Variants in HOXB3 observed in about 807,000 individuals in gnomAD.
HOXB3 encodes the protein homeobox protein Hox-B3.
HOXB3 carries 17 observed loss-of-function variants against 29.2 expected under a neutral mutation model. The observed-to-expected ratio is 0.58, with a 90% CI of 0.40 to 0.87. HOXB3 has a LOEUF of 0.87. Ranked by LOEUF, HOXB3 falls within the 40% of genes least tolerant of loss-of-function variation. HOXB3 has a pLI of 0.00. For synonymous variants in HOXB3, 317 were observed against 285.9 expected, an observed-to-expected ratio of 1.11 and a Z score of -1.10; for missense variants, 637 against 616.3, an observed-to-expected ratio of 1.03 and a Z score of -0.35.
intron 2 of HOXB3, among the ~76,000 whole-genome samples, chr17:48,569,035 C>A (rs1333461892): frequency 6.7e-6 from 1 of 148,222 alleles, no homozygotes; most frequent in East Asian, 2.0e-4. Context: ...CCCTTTCTTT[C>A]TCTCTCTCTC....
At chr17:48,567,546 C>T (rs910073169) in intron 2 of HOXB3, among the ~76,000 whole-genome samples, 4 of 152,176 alleles carry the variant, frequency 2.6e-5, no homozygotes, top group African/African-American at 7.2e-5. Flanking sequence ...TCTTGACCAG[C>T]AGCCTCTCCC....
intron 2 of HOXB3, among the ~76,000 whole-genome samples, chr17:48,568,443 T>C (rs1377707946): frequency 6.6e-6 from 1 of 152,206 alleles, no homozygotes; most frequent in Non-Finnish European, 1.5e-5. Context: ...ACTGCTGATA[T>C]ATTACTGTAA....
rs199720030 is a variant in HOXB3 at position 48,550,862 on chromosome 17, C to T, written c.768G>A (p.Ser256=). The change falls in exon 5 of 5, where the codon TCG becomes TCA. Residue 256 remains serine, a synonymous_variant. Transcript: ENST00000498678. ...DQKAKGLASS[S]GGPSPAGSPP... Reference sequence around the variant, plus strand: ...GGCTGCCGGCTGGAGATGGGCCCCCCGACGACGAGGCCAATCCCTTGGCCT... The same window carrying T: ...GGCTGCCGGCTGGAGATGGGCCCCCTGACGACGAGGCCAATCCCTTGGCCT... 5 of 1,613,900 alleles carry T rather than the reference C, an allele frequency of 3.1e-6. No homozygotes were observed. The Admixed American group carries it at 6.7e-5, about 22-fold the overall frequency.
rs1214988620 is a variant in HOXB3 at position 48,554,929 on chromosome 17, A to C, written c.-159+602T>G. On this transcript the variant is annotated intron_variant, in intron 3 of 4. Transcript: ENST00000498678. The surrounding 1 kb of genome is among the most constrained non-coding windows in gnomAD (Gnocchi z 4.1). Reference sequence around the variant, plus strand: ...ACAAGAGGGGGTGGGGAACAACTCTACCAAGCCAAACAGATCTATTTCCCT... The same window carrying C: ...ACAAGAGGGGGTGGGGAACAACTCTCCCAAGCCAAACAGATCTATTTCCCT... The C allele has an allele frequency of 1.5e-6, 1 of 664,544 alleles. No homozygotes were observed. The highest frequency in any genetic ancestry group is 1.8e-5 in the African/African-American group (1 of 55,764). The allele number at this position is 664,544 out of a possible 1,614,324, so 41.2% of individuals were successfully genotyped here.
intron 2 of HOXB3, among the ~76,000 whole-genome samples, chr17:48,564,582 G>T (rs1267479343): frequency 1.3e-5 from 2 of 152,264 alleles, no homozygotes; most frequent in Non-Finnish European, 2.9e-5. Context: ...GTCTGGCACC[G>T]AGCTGAACTC....
At chr17:48,578,026 G>A in intron 1 of HOXB3, 1 of 1,253,800 alleles carries the variant, frequency 8.0e-7, no homozygotes, top group Non-Finnish European at 1.0e-6. Flanking sequence ...GGGCCCCGGC[G>A]GGTGGCGGCG....
At position 48,554,494 on chromosome 17, in the gene HOXB3, A is replaced by G; in HGVS notation, c.-159+1037T>C. 1.6e-6 allele frequency: 1 copy of G among 619,556 alleles called. No homozygotes were observed. The highest frequency in any genetic ancestry group is 2.9e-6 in the Non-Finnish European group (1 of 347,618). The allele number at this position is 619,556 out of a possible 1,614,324, so 38.4% of individuals were successfully genotyped here. On this transcript the variant is annotated intron_variant, in intron 3 of 4. Coordinates refer to ENST00000498678, the MANE Select transcript of HOXB3 (RefSeq NM_001384749.1). The surrounding 1 kb of genome is among the most constrained non-coding windows in gnomAD (Gnocchi z 4.1). The stretch of plus-strand genomic sequence containing the variant: ...GCGAAGGAGCCAGAGACGCGATAGG[A>G]AAGAATGGAGACTCCGCCGGTGGTG...
intron 1 of HOXB3, among the ~76,000 whole-genome samples, chr17:48,588,569 T>G (rs536482460): frequency 6.6e-6 from 1 of 152,350 alleles, no homozygotes; most frequent in African/African-American, 2.4e-5. Context: ...TTTGTCTGCA[T>G]GTCTGTCAAC....
intron 2 of HOXB3, among the ~76,000 whole-genome samples, chr17:48,556,027 C>G (rs2068975547): frequency 1.3e-5 from 2 of 152,108 alleles, no homozygotes; most frequent in African/African-American, 4.8e-5. Flanking sequence ...CCACCTCTCC[C>G]CCTTTAGCAA....
rs2068688919 is a variant in HOXB3, at chr17:48,550,606, C to T, written c.1024G>A (p.Gly342Arg). 3 of 1,520,816 alleles carry T rather than the reference C, an allele frequency of 2.0e-6. No homozygotes were observed. Among genetic ancestry groups the T allele is most frequent in the East Asian group, 2.3e-5 (1 of 44,120 alleles). 94.2% of individuals were successfully genotyped at this position (1,520,816 alleles called of 1,614,324 possible). The change falls in exon 5 of 5, where the codon GGG becomes AGG. Residue 342 changes from glycine to arginine, a missense_variant. Physicochemically the swap from Gly to Arg is moderately radical, Grantham distance 125 (BLOSUM62 -2). Coordinates refer to ENST00000498678, the MANE Select transcript of HOXB3 (RefSeq NM_001384749.1). The part of the protein sequence containing the change: ...HVLQANGGAY[G>R]TPTMQGSPVY... Reference sequence around the variant, plus strand: ...GGACTGCCCTGCATGGTGGGCGTCCCGTAGGCGCCCCCGTTGGCTTGGAGG... The same window carrying T: ...GGACTGCCCTGCATGGTGGGCGTCCTGTAGGCGCCCCCGTTGGCTTGGAGG...
chr17:48,575,463 A>C (rs527385187), intron 1 of HOXB3: 20 of 152,216 alleles, frequency 1.3e-4, no homozygotes, highest in Non-Finnish European at 2.2e-4. Context: ...ACTGGGTGGC[A>C]TTTGTCCATA....
chr17:48,585,774 C>T (rs947580825), intron 1 of HOXB3, among the ~76,000 whole-genome samples: 1 of 152,170 alleles, frequency 6.6e-6, no homozygotes, highest in Admixed American at 6.5e-5. Context: ...GCAGGAGCCC[C>T]GAAATAGGGT....
rs546410689 is a variant in HOXB3, at chr17:48,578,579, T to C, written c.-424-4565A>G. ...CACCCACCCAACACCAGGATTTACA[T>C]AGGGCTCCTGCGGGGCGACCCCCTC... On this transcript the variant is annotated intron_variant, in intron 1 of 4. Coordinates refer to ENST00000498678, the MANE Select transcript of HOXB3 (RefSeq NM_001384749.1). 1.8e-3 allele frequency: 682 copies of C among 375,360 alleles called. 13 individuals are homozygous for C. The East Asian group carries it at 0.04, about 22-fold the overall frequency. 23.3% of individuals were successfully genotyped at this position (375,360 alleles called of 1,614,324 possible). A position where few individuals can be genotyped will look rare whatever the true frequency, so the allele number is the denominator to read the frequency against.
chr17:48,573,818 C>A lies in HOXB3; in HGVS notation c.-247+19G>T. The A allele has an allele frequency of 1.4e-6, 1 of 701,686 alleles. No individual in the cohort carries two copies. The highest frequency in any genetic ancestry group is 2.6e-6 in the Non-Finnish European group (1 of 384,658). The allele number at this position is 701,686 out of a possible 1,614,324, so 43.5% of individuals were successfully genotyped here. On this transcript the variant is annotated intron_variant, in intron 2 of 4. Transcript: ENST00000498678. Reference sequence around the variant, plus strand: ...ATAAAACGATCAAAACACGCCAGCCCGGGCCCGGGCTTTGTTACCTTTGCG... The same window carrying A: ...ATAAAACGATCAAAACACGCCAGCCAGGGCCCGGGCTTTGTTACCTTTGCG...
At chr17:48,576,609 G>A (rs1251676967) in intron 1 of HOXB3, 4 of 909,000 alleles carry the variant, frequency 4.4e-6, no homozygotes, top group Non-Finnish European at 6.4e-6. Flanking sequence ...GGGGAGGGCA[G>A]ATAGATTTTT....
chr17:48,576,177 C>G (rs949478076), intron 1 of HOXB3: 1 of 153,050 alleles, frequency 6.5e-6, no homozygotes, highest in Non-Finnish European at 1.5e-5. Context: ...CGCTGGGTAT[C>G]GGGAGTGGGG....
In HOXB3 at chr17:48,550,354, G is replaced by C. The variant is rs1245073559; in HGVS notation, c.1276C>G (p.Pro426Ala). 1 of 1,614,072 alleles carries C rather than the reference G, an allele frequency of 6.2e-7. No homozygotes were observed. Among genetic ancestry groups the C allele is most frequent in the Admixed American group, 1.7e-5 (1 of 60,032 alleles). The change falls in exon 5 of 5, where the codon CCC (proline) becomes GCC (alanine). Residue 426 changes from proline to alanine, a missense_variant. Transcript: ENST00000498678. ...TCCCATCACAGGTGTGTTAATTTGGGCGCTTCTTGGATTCTACCCTGAGGA... is the reference window on the plus strand; with the variant it reads ...TCCCATCACAGGTGTGTTAATTTGGCCGCTTCTTGGATTCTACCCTGAGGA... Reference protein sequence around the residue: ...PPPQGRIQEAPKLTHL With the variant: ...PPPQGRIQEAAKLTHL
chr17:48,552,808 A>G (rs1597812910), intron 3 of HOXB3, 176 bp from the exon 4 acceptor site: 1 of 295,654 alleles, frequency 3.4e-6, no homozygotes, highest in Non-Finnish European at 6.3e-6. Flanking sequence ...TAAAAAATAA[A>G]AAAATAAATA....
rs59742556 is a variant in HOXB3 at position 48,552,571 on chromosome 17, A to ACCCCCCCCCCCCCCCCCCCC, written c.-98_-97insGGGGGGGGGGGGGGGGGGGG. 2.0e-6 allele frequency: 1 copy of ACCCCCCCCCCCCCCCCCCCC among 504,638 alleles called. No homozygotes were observed. The highest frequency in any genetic ancestry group is 3.0e-6 in the Non-Finnish European group (1 of 331,810). The allele number at this position is 504,638 out of a possible 1,614,324, so 31.3% of individuals were successfully genotyped here. Reference sequence around the variant, plus strand: ...CCCTGGGGGTCACGTGACACGCCGGACCCCCCCCCCCCACCTCCCCTCTCT... The same window carrying ACCCCCCCCCCCCCCCCCCCC: ...CCCTGGGGGTCACGTGACACGCCGGACCCCCCCCCCCCCCCCCCCCCCCCCCCCCCCCACCTCCCCTCTCT... On this transcript the variant is annotated 5_prime_UTR_variant, in exon 4 of 5. An upstream open reading frame in the 5' UTR gains an earlier in-frame stop. Transcript: ENST00000498678.
Sources: allele counts gnomAD v4.1 joint callset (sites outside exome capture counted in the v4.1 genomes callset), GRCh38; gene constraint gnomAD v4.1.1; non-coding constraint Gnocchi (gnomAD v3.1); transcripts MANE v1.5; gene names NCBI Gene and HGNC (gene_info 2026-07-23, HGNC 2026-07-21).